NIPBL: variants seen among roughly 807,000 people sequenced by gnomAD.
NIPBL encodes the protein nipped-B-like protein.
A neutral mutation model predicts 321.8 loss-of-function variants in NIPBL; 19 were observed. That is an observed-to-expected ratio of 0.06 (90% CI 0.04 to 0.09). The LOEUF (loss-of-function observed/expected upper bound fraction) is 0.09. NIPBL is among the 10% of genes least tolerant of loss of function. NIPBL has a pLI of 1.00. For synonymous variants in NIPBL, 1,106 were observed against 1,114.1 expected (o/e 0.99, Z 0.14); for missense variants, 2,210 against 3,327.0 (o/e 0.66, Z 8.26).
chr5:37,021,155 G>A (rs565673668), intron 27 of NIPBL, among the ~76,000 whole-genome samples: 17 of 152,074 alleles, frequency 1.1e-4, no homozygotes, highest in South Asian at 2.1e-4. Flanking sequence ...AAAAATTAGC[G>A]GGGCGTGGTG....
chr5:36,919,228 AAG>A (rs1246526742), intron 1 of NIPBL, among the ~76,000 whole-genome samples: 1 of 152,164 alleles, frequency 6.6e-6, no homozygotes, highest in African/African-American at 2.4e-5. Flanking sequence ...AGTTTAATAA[AAG>A]AGAGGGCATT....
intron 10 of NIPBL, among the ~76,000 whole-genome samples, chr5:36,987,251 A>G (rs1391605505): frequency 6.6e-6 from 1 of 152,154 alleles, no homozygotes; most frequent in Non-Finnish European, 1.5e-5. Context: ...TCTGTGAAAG[A>G]GAATTATTAA....
chr5:37,051,652 A>G, intron 40 of NIPBL, 127 bp from the exon 41 acceptor site: 1 of 687,564 alleles, frequency 1.5e-6, no homozygotes, highest in South Asian at 1.7e-5. Context: ...ACACTAAAAC[A>G]TAGACTTTAT....
At position 37,048,530 on chromosome 5, in the gene NIPBL, A is replaced by G; in HGVS notation, c.6618A>G (p.Leu2206=). 1.3e-6 allele frequency: 2 copies of G among 1,584,784 alleles called. No homozygotes were observed. Among genetic ancestry groups the G allele is most frequent in the Non-Finnish European group, 1.7e-6 (2 of 1,165,406 alleles). ...LGFAFIQHPS[L]MFEQEVKNLY... ...TTGCCTTTATTCAGCATCCAAGTCT[A>G]ATGTTCGAGCAAGAAGTGAAGAATC... The change falls in exon 39 of 47, where the codon CTA becomes CTG. Residue 2206 remains leucine, a synonymous_variant. Transcript: ENST00000282516.
At chr5:37,062,941 A>AGG (rs1212318876) in intron 45 of NIPBL, among the ~76,000 whole-genome samples, 5 of 152,074 alleles carry the variant, frequency 3.3e-5, no homozygotes, top group African/African-American at 1.2e-4. Context: ...AAAAAAAAAA[A>AGG]GGGTTAAGCT....
intron 16 of NIPBL, among the ~76,000 whole-genome samples, chr5:37,003,715 A>G (rs1747090543): frequency 6.6e-6 from 1 of 152,156 alleles, no homozygotes; most frequent in Non-Finnish European, 1.5e-5. Context: ...GAAATTTCAC[A>G]TTTCGTTAAT....
Position 36,985,916 on chromosome 5 carries a change from A to G in NIPBL, c.2736A>G (p.Ser912=). 1 of 1,613,970 alleles carries G rather than the reference A, an allele frequency of 6.2e-7. No individual in the cohort carries two copies. Among genetic ancestry groups the G allele is most frequent in the Non-Finnish European group, 8.5e-7 (1 of 1,179,958 alleles). ...GATCTGATAAACTTGGTTTTAAATC[A>G]CCAACTAGTAAAGATGACAAAAGGA... The part of the protein sequence containing the change: ...KSRSDKLGFK[S]PTSKDDKRTE... Residue 912 remains serine (S), a synonymous_variant, in exon 10 of 47, where the codon TCA becomes TCG. Coordinates refer to ENST00000282516, the MANE Select transcript of NIPBL (RefSeq NM_133433.4).
intron 1 of NIPBL, among the ~76,000 whole-genome samples, chr5:36,952,461 T>G (rs1740494571): frequency 6.6e-6 from 1 of 152,226 alleles, no homozygotes; most frequent in Non-Finnish European, 1.5e-5. Context: ...TGAGAGCATA[T>G]CTTTGATTAA....
At chr5:36,975,728 A>G in intron 8 of NIPBL, 48 bp from the exon 9 acceptor site, 1 of 1,574,194 alleles carries the variant, frequency 6.4e-7, no homozygotes, top group East Asian at 2.2e-5. Flanking sequence ...CATTGTAAGA[A>G]AATGTGAAAC....
Position 37,003,010 on chromosome 5 carries a change from GT to G in NIPBL, c.3769-240del, listed in dbSNP as rs371536615. On this transcript the variant is annotated intron_variant, in intron 15 of 46. Transcript: ENST00000282516. ...GGCATGGACTTTAATTTTTTCCAGA[GT>G]TTTTTTTTTTCATTTTCTCAAATAT... Among the ~76,000 whole-genome samples, 823 of 144,180 alleles carry G rather than the reference GT, an allele frequency of 5.7e-3. 11 individuals carry two copies. The highest frequency in any genetic ancestry group is 0.02 in the African/African-American group (777 of 39,606). The allele number at this position is 144,180 out of a possible 152,430, so 94.6% of individuals were successfully genotyped here.
intron 6 of NIPBL, among the ~76,000 whole-genome samples, chr5:36,963,894 A>G (rs1277721246): frequency 6.6e-6 from 1 of 152,152 alleles, no homozygotes; most frequent in Non-Finnish European, 1.5e-5. Flanking sequence ...ATACTATTAT[A>G]CTCAAGTACA....
intron 1 of NIPBL, among the ~76,000 whole-genome samples, chr5:36,938,163 T>C (rs1738651218): frequency 6.6e-6 from 1 of 152,200 alleles, no homozygotes; most frequent in Non-Finnish European, 1.5e-5. Context: ...AGGATTAGGC[T>C]TGTACTTTTG....
chr5:36,929,187 A>T (rs1561397270), intron 1 of NIPBL, among the ~76,000 whole-genome samples: 1 of 152,152 alleles, frequency 6.6e-6, no homozygotes. Context: ...TTATAACATT[A>T]TGACAGTTTA....
chr5:36,926,044 C>A (rs989731954), intron 1 of NIPBL, among the ~76,000 whole-genome samples: 2 of 152,278 alleles, frequency 1.3e-5, no homozygotes, highest in Non-Finnish European at 1.5e-5. Flanking sequence ...TTCTCCATTA[C>A]CATGGCAATA....
chr5:36,910,015 G>A (rs556040200), intron 1 of NIPBL, among the ~76,000 whole-genome samples: 4 of 152,062 alleles, frequency 2.6e-5, no homozygotes, highest in South Asian at 4.2e-4. Context: ...GGCAGAGGGT[G>A]CAGTGAGCGG....
Position 37,061,044 on chromosome 5 carries a change from A to T in NIPBL, c.7860+26A>T, listed in dbSNP as rs1386585989. 8 of 1,599,960 alleles carry T rather than the reference A, an allele frequency of 5.0e-6. No individual in the cohort carries two copies. The South Asian group carries it at 7.7e-5, about 15-fold the overall frequency. On this transcript the variant is annotated intron_variant, in intron 45 of 46. Transcript: ENST00000282516. ...GTGAGTAGTAAAACCAAAAGTTTTT[A>T]CTTCTCATAAGGGCTTTTTTGACAA...
At chr5:36,942,159 G>GC (rs1486823555) in intron 1 of NIPBL, among the ~76,000 whole-genome samples, 6 of 151,942 alleles carry the variant, frequency 3.9e-5, no homozygotes, top group Admixed American at 2.6e-4. Context: ...CTGGCCAGGT[G>GC]CAGTGGCTCA....
intron 24 of NIPBL, among the ~76,000 whole-genome samples, chr5:37,017,769 AT>A (rs886381889): frequency 2.7e-5 from 4 of 150,484 alleles, no homozygotes; most frequent in African/African-American, 4.9e-5. Context: ...AATGCCTCTA[AT>A]TTTTTTTTAG....
intron 1 of NIPBL, among the ~76,000 whole-genome samples, chr5:36,911,514 T>G (rs158803): frequency 0.58 from 88,902 of 152,006 alleles, 28,825 homozygotes; most frequent in African/African-American, 0.88. Context: ...CTTGAATCTT[T>G]TTTATGACCC....
Sources: gnomAD v4.1 joint callset for allele counts (sites outside exome capture counted in the v4.1 genomes callset) on GRCh38, gnomAD v4.1.1 for gene constraint, MANE v1.5 for transcripts, NCBI Gene and HGNC (gene_info 2026-07-23, HGNC 2026-07-21) for gene names.